The following RUNDC3B variants were observed in gnomAD, a reference collection of about 807,000 sequenced individuals.
The protein encoded by RUNDC3B is RUN domain containing 3B, also known as RUN domain-containing protein 3B.
A neutral mutation model predicts 58.4 loss-of-function variants in RUNDC3B; 33 were observed. That is an observed-to-expected ratio of 0.56 (90% CI 0.43 to 0.75). The LOEUF is 0.75. Ranked by LOEUF, RUNDC3B falls within the 30% of genes least tolerant of loss-of-function variation. RUNDC3B has a pLI of 0.00. For synonymous variants in RUNDC3B, 193 were observed against 195.2 expected, an observed-to-expected ratio of 0.99 and a Z score of 0.10; for missense variants, 501 against 535.7, an observed-to-expected ratio of 0.94 and a Z score of 0.64.
chr7:87,763,418 T>C (rs1035482715), intron 6 of RUNDC3B, among the ~76,000 whole-genome samples: 1 of 151,672 alleles, frequency 6.6e-6, no homozygotes, highest in Non-Finnish European at 1.5e-5. Context: ...TCTTATATTA[T>C]AACCATCAGA....
chr7:87,628,587 G>C lies in RUNDC3B; in HGVS notation c.-237G>C, dbSNP rs1467147587. On this transcript the variant is annotated 5_prime_UTR_variant, in exon 1 of 11. Transcript: ENST00000394654. ...GGGCGGAGGTGGTGCGTGCGTGCGT[G>C]TGTGTGTGTGTGTGTGTGTGTGTGT... The C allele has an allele frequency of 6.6e-4, 8 of 12,200 alleles. No individual in the cohort carries two copies. The highest frequency in any genetic ancestry group is 1.2e-3 in the Non-Finnish European group (8 of 6,710). 0.8% of individuals were successfully genotyped at this position (12,200 alleles called of 1,614,324 possible).
chr7:87,661,213 A>G (rs576467683), intron 2 of RUNDC3B, among the ~76,000 whole-genome samples: 2 of 152,104 alleles, frequency 1.3e-5, no homozygotes, highest in African/African-American at 2.4e-5. Context: ...TCACATCAGC[A>G]TAAATAAGGT....
intron 4 of RUNDC3B, among the ~76,000 whole-genome samples, chr7:87,727,142 G>A (rs1735567536): frequency 3.3e-5 from 5 of 152,180 alleles, no homozygotes; most frequent in African/African-American, 1.2e-4. Context: ...GGAGTGGTGA[G>A]AGAGGGCATC....
At chr7:87,793,675 AG>A (rs999326762) in intron 8 of RUNDC3B, among the ~76,000 whole-genome samples, 2 of 152,200 alleles carry the variant, frequency 1.3e-5, no homozygotes, top group African/African-American at 4.8e-5. Context: ...TTTTTTGAGA[AG>A]GAACATACCT....
intron 1 of RUNDC3B, among the ~76,000 whole-genome samples, chr7:87,634,459 T>TA (rs1442354759): frequency 1.1e-5 from 1 of 93,338 alleles, no homozygotes; most frequent in Non-Finnish European, 1.9e-5. Context: ...CCGTCTCTAC[T>TA]AAAAATACAA....
intron 10 of RUNDC3B, among the ~76,000 whole-genome samples, chr7:87,824,334 T>A (rs897099744): frequency 1.3e-5 from 2 of 152,132 alleles, no homozygotes; most frequent in Non-Finnish European, 2.9e-5. Flanking sequence ...TCTCACAAGA[T>A]CTGATGGTTT....
intron 6 of RUNDC3B, among the ~76,000 whole-genome samples, chr7:87,767,019 T>C (rs1395182943): frequency 6.6e-6 from 1 of 152,142 alleles, no homozygotes; most frequent in African/African-American, 2.4e-5. Context: ...TTTTGCTTGG[T>C]CTTTTATACT....
intron 1 of RUNDC3B, among the ~76,000 whole-genome samples, chr7:87,641,671 A>G (rs1202294559): frequency 2.6e-5 from 4 of 152,200 alleles, no homozygotes; most frequent in African/African-American, 9.7e-5. Flanking sequence ...ACTAGATTGC[A>G]TATTCAAAAA....
At chr7:87,819,261 C>G (rs1279645466) in intron 10 of RUNDC3B, among the ~76,000 whole-genome samples, 1 of 151,964 alleles carries the variant, frequency 6.6e-6, no homozygotes. Context: ...TACTTAAGCA[C>G]CCAGGGTACA....
rs1392268146 is a variant in RUNDC3B at position 87,700,038 on chromosome 7, G to T, written c.239-383G>T. Reference sequence around the variant, plus strand: ...GTTTTTTTAAATAGAGAAAGGTTTAGAATTCAATTGGTGACATTTATTAAT... The same window carrying T: ...GTTTTTTTAAATAGAGAAAGGTTTATAATTCAATTGGTGACATTTATTAAT... On this transcript the variant is annotated intron_variant, in intron 2 of 10. Coordinates refer to ENST00000394654, the MANE Select transcript of RUNDC3B (RefSeq NM_001134405.2). 2.6e-5 allele frequency among the ~76,000 whole-genome samples: 4 copies of T among 152,010 alleles called. No homozygotes were observed. In the South Asian group the frequency reaches 8.4e-4, roughly 32 times the overall value.
At chr7:87,642,591 A>G (rs1822561863) in intron 1 of RUNDC3B, among the ~76,000 whole-genome samples, 1 of 152,052 alleles carries the variant, frequency 6.6e-6, no homozygotes, top group Non-Finnish European at 1.5e-5. Context: ...TTTTAGATGA[A>G]TCTTTTTGGA....
chr7:87,797,630 T>TA (rs1460842883), intron 8 of RUNDC3B, among the ~76,000 whole-genome samples: 1 of 152,194 alleles, frequency 6.6e-6, no homozygotes. Flanking sequence ...ATTTCATACT[T>TA]ATTGTCTGGA....
Position 87,770,706 on chromosome 7 carries a change from G to A in RUNDC3B, c.755G>A (p.Cys252Tyr). Residue 252 changes from cysteine to tyrosine, a missense_variant, in exon 7 of 11, where the codon TGT becomes TAT. By Grantham distance (194) the Cys-to-Tyr change is radical. Coordinates refer to ENST00000394654, the MANE Select transcript of RUNDC3B (RefSeq NM_001134405.2). ...LMDENSWFNK[C>Y]KRVKQKYQLT... ...GATGAGAACAGTTGGTTCAACAAGTGTAAGAGAGTTAAACAAAAGTATCAG... is the reference window on the plus strand; with the variant it reads ...GATGAGAACAGTTGGTTCAACAAGTATAAGAGAGTTAAACAAAAGTATCAG... 2 of 1,613,648 alleles carry A rather than the reference G, an allele frequency of 1.2e-6. No individual in the cohort carries two copies. The highest frequency in any genetic ancestry group is 1.1e-5 in the South Asian group (1 of 91,046).
chr7:87,703,251 G>A (rs1467617736), intron 3 of RUNDC3B, among the ~76,000 whole-genome samples: 1 of 151,582 alleles, frequency 6.6e-6, no homozygotes, highest in Non-Finnish European at 1.5e-5. Context: ...TTTTATTTAG[G>A]ATTTTTTTTT....
intron 2 of RUNDC3B, among the ~76,000 whole-genome samples, chr7:87,685,674 G>A (rs965618469): frequency 2.6e-5 from 4 of 152,128 alleles, no homozygotes; most frequent in Non-Finnish European, 1.5e-5. Context: ...GGGATTAAAG[G>A]TTGCAGGGTG....
chr7:87,643,222 A>G (rs1439113790), intron 1 of RUNDC3B, among the ~76,000 whole-genome samples: 3 of 151,752 alleles, frequency 2.0e-5, no homozygotes, highest in Non-Finnish European at 2.9e-5. Context: ...TTCTTCCTTT[A>G]TTTTTAAGTT....
chr7:87,786,705 A>G (rs965224530), intron 8 of RUNDC3B, among the ~76,000 whole-genome samples: 4 of 152,096 alleles, frequency 2.6e-5, no homozygotes, highest in African/African-American at 9.6e-5. Context: ...TTTTTTCAAA[A>G]GAGATGTTTT....
At chr7:87,641,319 T>G (rs1822431700) in intron 1 of RUNDC3B, among the ~76,000 whole-genome samples, 1 of 152,186 alleles carries the variant, frequency 6.6e-6, no homozygotes, top group Non-Finnish European at 1.5e-5. Flanking sequence ...TAGTGTAGGT[T>G]AATGACCACT....
chr7:87,662,678 AGGGAAT>A (rs1824837228), intron 2 of RUNDC3B, among the ~76,000 whole-genome samples: 1 of 152,160 alleles, frequency 6.6e-6, no homozygotes, highest in Non-Finnish European at 1.5e-5. Context: ...CTTTGAAGTC[AGGGAAT>A]GTGATTCCTC....
Sources: gnomAD v4.1 joint callset for allele counts (sites outside exome capture counted in the v4.1 genomes callset) on GRCh38, gnomAD v4.1.1 for gene constraint, MANE v1.5 for transcripts, NCBI Gene and HGNC (gene_info 2026-07-23, HGNC 2026-07-21) for gene names.